The following ZBTB20 variants were observed in gnomAD, a reference collection of about 807,000 sequenced individuals.
ZBTB20 encodes the protein zinc finger and BTB domain-containing protein 20.
In ZBTB20, 9 loss-of-function variants were observed where a neutral mutation model predicts 56.9. The observed-to-expected ratio is 0.16, with a 90% CI of 0.10 to 0.28. The LOEUF (loss-of-function observed/expected upper bound fraction) is 0.28. Ranked by LOEUF, ZBTB20 falls within the 10% of genes least tolerant of loss-of-function variation. The pLI is 1.00. For synonymous variants in ZBTB20, 417 were observed against 420.7 expected (o/e 0.99, Z 0.11); for missense variants, 655 against 1,003.0 (o/e 0.65, Z 4.69).
intron 6 of ZBTB20, among the ~76,000 whole-genome samples, chr3:114,539,525 A>G (rs187072327): frequency 2.4e-4 from 36 of 152,268 alleles, no homozygotes; most frequent in African/African-American, 8.4e-4. Flanking sequence ...ACAGGAACAG[A>G]GTATTACTTT....
intron 4 of ZBTB20, among the ~76,000 whole-genome samples, chr3:114,839,799 C>A (rs1336900134): frequency 6.6e-6 from 1 of 152,162 alleles, no homozygotes; most frequent in Admixed American, 6.5e-5. Flanking sequence ...GACAGAGGCA[C>A]AAACTGGAGT....
intron 2 of ZBTB20, among the ~76,000 whole-genome samples, chr3:114,984,616 C>G (rs915792907): frequency 6.6e-6 from 1 of 152,056 alleles, no homozygotes; most frequent in East Asian, 1.9e-4. Context: ...TCTCTTCTCA[C>G]TCTTATTTCT....
Position 114,549,965 on chromosome 3 carries a change from C to T in ZBTB20, c.-294-49574G>A, listed in dbSNP as rs567350387. Reference sequence around the variant, plus strand: ...TCTTTTTTATTTTTTTGAGATGGAGCCTTGCTCTGTGGCCCAGGTTGGAGT... The same window carrying T: ...TCTTTTTTATTTTTTTGAGATGGAGTCTTGCTCTGTGGCCCAGGTTGGAGT... On this transcript the variant is annotated intron_variant, in intron 6 of 11. Coordinates refer to ENST00000675478, the MANE Select transcript of ZBTB20 (RefSeq NM_001348800.3). Among the ~76,000 whole-genome samples, 22 of 151,836 alleles carry T rather than the reference C, an allele frequency of 1.4e-4. No individual in the cohort carries two copies. In the South Asian group the frequency reaches 4.6e-3, roughly 32 times the overall value.
chr3:114,984,103 A>G (rs897578246), intron 2 of ZBTB20, among the ~76,000 whole-genome samples: 6 of 151,928 alleles, frequency 3.9e-5, no homozygotes, highest in Non-Finnish European at 8.8e-5. Flanking sequence ...ATCCTCCCAC[A>G]TCATAATCCA....
At chr3:114,600,752 C>T (rs894156767) in intron 6 of ZBTB20, among the ~76,000 whole-genome samples, 5 of 152,058 alleles carry the variant, frequency 3.3e-5, no homozygotes, top group Admixed American at 2.0e-4. Context: ...TTAAATAGTA[C>T]GAACTTCACC....
chr3:114,323,616 T>G lies in ZBTB20; in HGVS notation c.*15389A>C, dbSNP rs567787629. On this transcript the variant is annotated 3_prime_UTR_variant, in exon 12 of 12. Coordinates refer to ENST00000675478, the MANE Select transcript of ZBTB20 (RefSeq NM_001348800.3). Reference sequence around the variant, plus strand: ...GCAAAGACTTCTACATCATATCAATTGGCTTCTTCACTGTTAAAACTCTTA... The same window carrying G: ...GCAAAGACTTCTACATCATATCAATGGGCTTCTTCACTGTTAAAACTCTTA... 6.6e-6 allele frequency: 1 copy of G among 152,350 alleles called. No homozygotes were observed. Among genetic ancestry groups the G allele is most frequent in the South Asian group, 2.1e-4 (1 of 4,832 alleles). 9.4% of individuals were successfully genotyped at this position (152,350 alleles called of 1,614,324 possible). A position where few individuals can be genotyped will look rare whatever the true frequency, so the allele number is the denominator to read the frequency against.
chr3:114,352,039 A>C (rs1186717302), intron 10 of ZBTB20, 161 bp from the exon 11 acceptor site: 1 of 909,508 alleles, frequency 1.1e-6, no homozygotes, highest in East Asian at 2.6e-5. Flanking sequence ...TACAAGCTGT[A>C]GGTACGATGA....
intron 6 of ZBTB20, among the ~76,000 whole-genome samples, chr3:114,601,480 A>G (rs958067351): frequency 1.3e-5 from 2 of 152,070 alleles, no homozygotes; most frequent in Admixed American, 1.3e-4. Context: ...CTCAGCTTAT[A>G]TCTTTCTTGA....
chr3:114,781,017 A>G (rs551157161), intron 5 of ZBTB20, among the ~76,000 whole-genome samples: 2 of 152,376 alleles, frequency 1.3e-5, no homozygotes, highest in South Asian at 4.1e-4. Context: ...AATAAATATT[A>G]TTCTATAAAG....
intron 4 of ZBTB20, among the ~76,000 whole-genome samples, chr3:114,859,126 A>T (rs2075374884): frequency 7.9e-6 from 1 of 126,966 alleles, no homozygotes. Context: ...AAATTTCACA[A>T]GAGCATTTCA....
intron 10 of ZBTB20, among the ~76,000 whole-genome samples, chr3:114,378,374 C>T (rs1009964060): frequency 1.3e-5 from 2 of 152,228 alleles, no homozygotes; most frequent in Non-Finnish European, 2.9e-5. Context: ...CTAAAAACAG[C>T]TGGAGATCAG....
intron 7 of ZBTB20, among the ~76,000 whole-genome samples, chr3:114,407,667 T>G (rs529395877): frequency 6.6e-6 from 1 of 152,290 alleles, no homozygotes; most frequent in East Asian, 1.9e-4. Flanking sequence ...GACTAGACAC[T>G]GGGAAAACAT....
intron 5 of ZBTB20, among the ~76,000 whole-genome samples, chr3:114,800,842 T>C (rs928578734): frequency 6.6e-6 from 1 of 151,732 alleles, no homozygotes; most frequent in African/African-American, 2.4e-5. Flanking sequence ...ACTGTGCTCA[T>C]GCACAGTGGG....
At chr3:114,734,349 G>A (rs148641131) in intron 5 of ZBTB20, among the ~76,000 whole-genome samples, 1 of 151,856 alleles carries the variant, frequency 6.6e-6, no homozygotes, top group Admixed American at 6.6e-5. Context: ...TTTCATGCAG[G>A]CCTCTAATTA....
At chr3:114,771,557 T>C (rs2069199919) in intron 5 of ZBTB20, among the ~76,000 whole-genome samples, 1 of 152,208 alleles carries the variant, frequency 6.6e-6, no homozygotes, top group Non-Finnish European at 1.5e-5. Flanking sequence ...ATACACAAGA[T>C]GGCAGATTGC....
chr3:114,317,724 C>G lies in ZBTB20; in HGVS notation c.*21281G>C, dbSNP rs1460069187. The G allele has an allele frequency of 1.3e-5, 2 of 152,104 alleles. No individual in the cohort carries two copies. Among genetic ancestry groups the G allele is most frequent in the African/African-American group, 4.8e-5 (2 of 41,394 alleles). 9.4% of individuals were successfully genotyped at this position (152,104 alleles called of 1,614,324 possible). A position where few individuals can be genotyped will look rare whatever the true frequency, so the allele number is the denominator to read the frequency against. ...TGTAAAGAGGAAGAGGTTCATCTAA[C>G]TATAAAAGGAAAAGATGAAGGCACG... On this transcript the variant is annotated 3_prime_UTR_variant, in exon 12 of 12. Coordinates refer to ENST00000675478, the MANE Select transcript of ZBTB20 (RefSeq NM_001348800.3).
At chr3:114,356,324 T>G (rs1212860066) in intron 10 of ZBTB20, 3 of 152,172 alleles carry the variant, frequency 2.0e-5, no homozygotes, top group African/African-American at 7.2e-5. Flanking sequence ...AAAAGCTGCC[T>G]GCTCACAAGA....
At chr3:114,785,017 C>T (rs2070384604) in intron 5 of ZBTB20, among the ~76,000 whole-genome samples, 1 of 152,102 alleles carries the variant, frequency 6.6e-6, no homozygotes, top group Non-Finnish European at 1.5e-5. Context: ...TCTAGATCAC[C>T]AGGGTAGTAA....
chr3:114,514,574 A>G (rs902024643), intron 6 of ZBTB20, among the ~76,000 whole-genome samples: 2 of 152,210 alleles, frequency 1.3e-5, no homozygotes, highest in Non-Finnish European at 2.9e-5. Context: ...ACAAGCACTA[A>G]CTTCTTAGCC....
Sources: gnomAD v4.1 joint callset for allele counts (sites outside exome capture counted in the v4.1 genomes callset) on GRCh38, gnomAD v4.1.1 for gene constraint, MANE v1.5 for transcripts, NCBI Gene and HGNC (gene_info 2026-07-23, HGNC 2026-07-21) for gene names.